The following TRMT11 variants were observed in gnomAD, a reference collection of about 807,000 sequenced individuals.
TRMT11 encodes the protein tRNA methyltransferase 11, also known as tRNA (guanine(10)-N(2))-methyltransferase TRMT11.
TRMT11 carries 53 observed loss-of-function variants against 62.8 expected under a neutral mutation model. That is an observed-to-expected ratio of 0.84 (90% CI 0.68 to 1.06). The LOEUF is 1.06. Among genes scored for constraint, TRMT11 ranks in the 50% least tolerant of loss-of-function variants. TRMT11 has a pLI of 0.00. For synonymous variants in TRMT11, 188 were observed against 190.3 expected, an observed-to-expected ratio of 0.99 and a Z score of 0.10; for missense variants, 556 against 553.4, an observed-to-expected ratio of 1.00 and a Z score of -0.05.
chr6:126,230,298 C>A, the TRMT11 span, among the ~76,000 whole-genome samples: 6 of 152,188 alleles, frequency 3.9e-5, no homozygotes, highest in Non-Finnish European at 5.9e-5. Flanking sequence ...GGGCCTCGAT[C>A]CCCTGTATGC....
the TRMT11 span, among the ~76,000 whole-genome samples, chr6:126,236,917 TA>T: frequency 6.6e-6 from 1 of 152,190 alleles, no homozygotes; most frequent in Admixed American, 6.5e-5. Context: ...TCCCTGGGCA[TA>T]ATTCCTTTGG....
chr6:126,268,215 C>T, the TRMT11 span, among the ~76,000 whole-genome samples: 1 of 152,238 alleles, frequency 6.6e-6, no homozygotes, highest in Admixed American at 6.5e-5. Context: ...AAGAAGAGAG[C>T]TATCGCCTGG....
In TRMT11 at chr6:126,015,944, A is replaced by G. The variant is rs1049755973; in HGVS notation, c.1139+2843A>G. On this transcript the variant is annotated intron_variant, in intron 11 of 12. Coordinates refer to ENST00000334379, the MANE Select transcript of TRMT11 (RefSeq NM_001031712.3). Reference sequence around the variant, plus strand: ...ACAAACATGATCTTTGCAGCACATCATATGGCACACAAAGCCACTCCTCCT... The same window carrying G: ...ACAAACATGATCTTTGCAGCACATCGTATGGCACACAAAGCCACTCCTCCT... Among the ~76,000 whole-genome samples, 4 of 152,156 alleles carry G rather than the reference A, an allele frequency of 2.6e-5. No homozygotes were observed. The South Asian group carries it at 6.2e-4, about 24-fold the overall frequency.
the TRMT11 span, among the ~76,000 whole-genome samples, chr6:126,222,066 G>A: frequency 6.6e-6 from 1 of 152,130 alleles, no homozygotes; most frequent in Admixed American, 6.5e-5. Context: ...ATTGAATAGG[G>A]AGTCCTTTCC....
At chr6:126,137,263 T>A (rs949307626) in intron 21 of TRMT11, among the ~76,000 whole-genome samples, 1 of 151,732 alleles carries the variant, frequency 6.6e-6, no homozygotes, top group African/African-American at 2.4e-5. Context: ...AACCAGAGTA[T>A]GTAAAGAACT....
At chr6:126,145,778 C>G (rs1453195127) in intron 21 of TRMT11, among the ~76,000 whole-genome samples, 1 of 152,168 alleles carries the variant, frequency 6.6e-6, no homozygotes, top group Non-Finnish European at 1.5e-5. Context: ...CTCTAGCTCT[C>G]TATTTCTCCC....
chr6:126,011,569 G>C (rs1269176274), intron 9 of TRMT11, 152 bp downstream of exon 9: 1 of 651,902 alleles, frequency 1.5e-6, no homozygotes, highest in Admixed American at 3.1e-5. Flanking sequence ...TAAGGAGAAA[G>C]TTATGAAGGT....
At chr6:126,071,549 G>T (rs374306853) in intron 17 of TRMT11, among the ~76,000 whole-genome samples, 3 of 151,968 alleles carry the variant, frequency 2.0e-5, no homozygotes, top group Admixed American at 6.6e-5. Context: ...TGTGTTGGTG[G>T]AATATTAAAG....
chr6:126,184,890 A>G (rs879426296), intron 1 of TRMT11, among the ~76,000 whole-genome samples: 1 of 152,210 alleles, frequency 6.6e-6, no homozygotes, highest in Admixed American at 6.6e-5. Context: ...TCCTTGTCCA[A>G]AAACACGAAA....
chr6:126,024,085 A>G (rs539957582), intron 12 of TRMT11, among the ~76,000 whole-genome samples: 9 of 152,348 alleles, frequency 5.9e-5, no homozygotes, highest in East Asian at 3.9e-4. Flanking sequence ...AGAATTCTTT[A>G]TAGGTCTTGA....
chr6:126,104,978 C>T (rs1043876283), intron 17 of TRMT11, among the ~76,000 whole-genome samples: 1 of 152,186 alleles, frequency 6.6e-6, no homozygotes, highest in African/African-American at 2.4e-5. Context: ...GGGCCTTTCT[C>T]CTGTGACTCA....
intron 21 of TRMT11, among the ~76,000 whole-genome samples, chr6:126,162,025 A>T (rs1423121630): frequency 6.6e-6 from 1 of 152,144 alleles, no homozygotes; most frequent in East Asian, 1.9e-4. Flanking sequence ...ATTCACTTTG[A>T]TGATAGTTTC....
At chr6:126,097,944 G>A (rs1295446080) in intron 17 of TRMT11, among the ~76,000 whole-genome samples, 2 of 152,120 alleles carry the variant, frequency 1.3e-5, no homozygotes, top group Non-Finnish European at 2.9e-5. Flanking sequence ...GTTTTACAAA[G>A]TGCTGGGTAG....
intron 17 of TRMT11, among the ~76,000 whole-genome samples, chr6:126,065,022 T>C (rs1776646652): frequency 6.6e-6 from 1 of 152,168 alleles, no homozygotes. Context: ...GATCCTGCTT[T>C]GAGTCTAGGA....
intron 1 of TRMT11, among the ~76,000 whole-genome samples, chr6:126,189,594 T>G (rs1778570962): frequency 6.6e-6 from 1 of 152,160 alleles, no homozygotes. Context: ...CCTCAGGTTC[T>G]GAGGTTTCAA....
chr6:126,224,026 A>G, the TRMT11 span, among the ~76,000 whole-genome samples: 1 of 152,118 alleles, frequency 6.6e-6, no homozygotes, highest in East Asian at 1.9e-4. Flanking sequence ...TGGCTATTTC[A>G]TCTTTCAGTT....
At chr6:126,091,619 G>A (rs556762388) in intron 17 of TRMT11, among the ~76,000 whole-genome samples, 1 of 152,198 alleles carries the variant, frequency 6.6e-6, no homozygotes, top group East Asian at 1.9e-4. Flanking sequence ...TAACAGTCTT[G>A]GGTGCACTCG....
chr6:126,176,364 G>A (rs1778384734), upstream of TRMT11, among the ~76,000 whole-genome samples: 1 of 152,112 alleles, frequency 6.6e-6, no homozygotes, highest in Non-Finnish European at 1.5e-5. Context: ...AAGAAAAAAA[G>A]GTCCATTCAA....
intron 7 of TRMT11, among the ~76,000 whole-genome samples, chr6:126,005,846 C>T (rs189281885): frequency 1.1e-4 from 16 of 152,072 alleles, no homozygotes; most frequent in African/African-American, 3.6e-4. Context: ...CCTCTCATCC[C>T]CTCTGTCAAG....
Sources: gnomAD v4.1 joint callset for allele counts (sites outside exome capture counted in the v4.1 genomes callset) on GRCh38, gnomAD v4.1.1 for gene constraint, MANE v1.5 for transcripts, NCBI Gene and HGNC (gene_info 2026-07-23, HGNC 2026-07-21) for gene names.